MACF1: variants seen among roughly 807,000 people sequenced by gnomAD.
The protein encoded by MACF1 is microtubule-actin cross-linking factor 1.
In MACF1, 193 loss-of-function variants were observed where a neutral mutation model predicts 854.8. The observed-to-expected ratio is 0.23, with a 90% CI of 0.20 to 0.25. The LOEUF (loss-of-function observed/expected upper bound fraction) is 0.25. Ranked by LOEUF, MACF1 falls within the 10% of genes least tolerant of loss-of-function variation. The pLI, the probability that MACF1 is intolerant of heterozygous loss-of-function variation, is 1.00. For synonymous variants in MACF1, 3,185 were observed against 3,226.7 expected, an observed-to-expected ratio of 0.99 and a Z score of 0.44; for missense variants, 7,722 against 8,929.1, an observed-to-expected ratio of 0.86 and a Z score of 5.45.
At chr1:39,433,831 G>A (rs1166277697) in intron 68 of MACF1, among the ~76,000 whole-genome samples, 2 of 152,160 alleles carry the variant, frequency 1.3e-5, no homozygotes, top group Non-Finnish European at 2.9e-5. Context: ...TGTAATCCCA[G>A]CACATTGGGA....
At position 39,262,397 on chromosome 1, in the gene MACF1, C is replaced by CAAAAA. The variant is rs56376033; in HGVS notation, c.528+4387_528+4391dup. Among the ~76,000 whole-genome samples the CAAAAA allele has an allele frequency of 6.9e-3, 470 of 68,534 alleles. 5 individuals are homozygous for CAAAAA. Among genetic ancestry groups the CAAAAA allele is most frequent in the Non-Finnish European group, 8.4e-3 (339 of 40,428 alleles). The allele number at this position is 68,534 out of a possible 152,430, so 45.0% of individuals were successfully genotyped here. A position where few individuals can be genotyped will look rare whatever the true frequency, so the allele number is the denominator to read the frequency against. On this transcript the variant is annotated intron_variant, in intron 6 of 100. Transcript: ENST00000564288. ...GCCTGGGCTACACGAGACTCCATCA[C>CAAAAA]AAAAAAAAAAAAAAAAAAAAAAGAA...
intron 58 of MACF1, among the ~76,000 whole-genome samples, chr1:39,403,561 A>G (rs1431119380): frequency 2.6e-5 from 4 of 152,200 alleles, no homozygotes; most frequent in Non-Finnish European, 5.9e-5. Context: ...AAGTACTACT[A>G]TGCCCCTAGT....
intron 2 of MACF1, among the ~76,000 whole-genome samples, chr1:39,137,043 T>G (rs1309281157): frequency 6.6e-6 from 1 of 152,198 alleles, no homozygotes; most frequent in Non-Finnish European, 1.5e-5. Context: ...TTGACTTTTT[T>G]CAAAGTTTGT....
At chr1:39,112,841 G>A (rs1405692787) in intron 2 of MACF1, among the ~76,000 whole-genome samples, 2 of 152,172 alleles carry the variant, frequency 1.3e-5, no homozygotes, top group South Asian at 4.2e-4. Flanking sequence ...TTCTTTAACA[G>A]TCATCCCTAG....
At chr1:39,101,198 A>G (rs1294081844) in intron 2 of MACF1, among the ~76,000 whole-genome samples, 1 of 151,488 alleles carries the variant, frequency 6.6e-6, no homozygotes, top group Non-Finnish European at 1.5e-5. Context: ...CTCTACTAAA[A>G]ATACAAAAAT....
Position 39,233,787 on chromosome 1 carries a change from T to A in MACF1, c.171+2544T>A, listed in dbSNP as rs1395131682. On this transcript the variant is annotated intron_variant, in intron 2 of 100. Coordinates refer to ENST00000564288, the MANE Select transcript of MACF1 (RefSeq NM_001394062.1). ...TACCTAGCCATAGCTTTTTTTTTTT[T>A]TTTTTTTTTTATTTATTTTTTATTG... 3.4e-5 allele frequency among the ~76,000 whole-genome samples: 3 copies of A among 87,430 alleles called. 1 individual carries two copies. Among genetic ancestry groups the A allele is most frequent in the Admixed American group, 2.6e-4 (2 of 7,664 alleles). 57.4% of individuals were successfully genotyped at this position (87,430 alleles called of 152,430 possible). A position where few individuals can be genotyped will look rare whatever the true frequency, so the allele number is the denominator to read the frequency against.
rs1299444224 is a variant in MACF1, at chr1:39,185,369, T to C, written c.221-45813T>C. 4.6e-5 allele frequency among the ~76,000 whole-genome samples: 7 copies of C among 151,694 alleles called. No homozygotes were observed. In the East Asian group the frequency reaches 1.4e-3, roughly 29 times the overall value. Reference sequence around the variant, plus strand: ...AGCTGGGCATGGTAGCTCACACCTGTAGTTCTAGCTACTCGGGAGGCTAAG... The same window carrying C: ...AGCTGGGCATGGTAGCTCACACCTGCAGTTCTAGCTACTCGGGAGGCTAAG... On this transcript the variant is annotated intron_variant, in intron 2 of 93. Transcript: ENST00000361689.
intron 23 of MACF1, among the ~76,000 whole-genome samples, chr1:39,308,670 C>A (rs1296330190): frequency 1.4e-5 from 2 of 145,058 alleles, no homozygotes; most frequent in Admixed American, 1.4e-4. Context: ...TTTTTTTTTT[C>A]TTGAAATGGA....
chr1:39,257,311 CTTTTT>C (rs60278374), intron 5 of MACF1, among the ~76,000 whole-genome samples: 1 of 150,682 alleles, frequency 6.6e-6, no homozygotes, highest in African/African-American at 2.4e-5. Flanking sequence ...AAGACAGTTT[CTTTTT>C]TTTTGAGACG....
chr1:39,127,398 G>T (rs1642886128), intron 2 of MACF1, among the ~76,000 whole-genome samples: 2 of 152,176 alleles, frequency 1.3e-5, no homozygotes, highest in Admixed American at 1.3e-4. Flanking sequence ...CTTACTATGT[G>T]CCAGGAATGG....
In MACF1 at chr1:39,485,606, C is replaced by T. The variant is rs1199684800; in HGVS notation, c.22480C>T (p.Arg7494Trp). The T allele has an allele frequency of 3.1e-6, 5 of 1,613,992 alleles. No homozygotes were observed. Among genetic ancestry groups the T allele is most frequent in the African/African-American group, 2.7e-5 (2 of 74,906 alleles). Reference sequence around the variant, plus strand: ...TCGAGCCGGGAGTCGAGCCAGCAGCCGGCGAGGAAGTGACGCTTCTGACTT... The same window carrying T: ...TCGAGCCGGGAGTCGAGCCAGCAGCTGGCGAGGAAGTGACGCTTCTGACTT... ...GSRAGSRASS[R>W]RGSDASDFDL... is the part of the protein sequence containing the mutation. Residue 7494 changes from arginine to tryptophan, a missense_variant, in exon 101 of 101, where the codon CGG (arginine) becomes TGG (tryptophan). Arg to Trp is a moderately radical substitution (Grantham distance 101, BLOSUM62 -3). This residue lies in a region of MACF1 where 185 missense variants were observed against 225.7 expected (regional missense o/e 0.82). Transcript: ENST00000564288.
intron 2 of MACF1, among the ~76,000 whole-genome samples, chr1:39,236,628 AAG>A (rs1218821535): frequency 5.3e-5 from 8 of 152,316 alleles, no homozygotes; most frequent in Non-Finnish European, 1.0e-4. Flanking sequence ...ACAAAGAAGA[AAG>A]AGAGAGAAGT....
At chr1:39,302,280 G>A (rs1390120274) in intron 22 of MACF1, among the ~76,000 whole-genome samples, 1 of 152,212 alleles carries the variant, frequency 6.6e-6, no homozygotes, top group Non-Finnish European at 1.5e-5. Flanking sequence ...TTATAGGTGT[G>A]AGCTGCTGTG....
chr1:39,455,135 G>C (rs767930142), intron 89 of MACF1, 38 bp downstream of exon 89: 1 of 1,595,260 alleles, frequency 6.3e-7, no homozygotes, highest in Non-Finnish European at 8.6e-7. Flanking sequence ...GGTGTTTTCC[G>C]TGTTGGGCAT....
chr1:39,393,195 AAATAT>A (rs1163937754), intron 58 of MACF1, among the ~76,000 whole-genome samples: 2,318 of 95,548 alleles, frequency 0.024, 99 homozygotes, highest in African/African-American at 0.097. Flanking sequence ...AAAAAAAAAA[AAATAT>A]ATATATATAT....
Position 39,335,248 on chromosome 1 carries a change from A to C in MACF1, c.8660A>C (p.Tyr2887Ser). 1.2e-6 allele frequency: 2 copies of C among 1,613,988 alleles called. No individual in the cohort carries two copies. The highest frequency in any genetic ancestry group is 1.7e-6 in the Non-Finnish European group (2 of 1,179,854). The change falls in exon 37 of 101, where the codon TAC becomes TCC. Residue 2887 changes from tyrosine (Y) to serine (S), a missense_variant. Tyr to Ser is a moderately radical substitution (Grantham distance 144). This residue lies in a region of MACF1 where 854 missense variants were observed against 852.6 expected (regional missense o/e 1.00). Coordinates refer to ENST00000564288, the MANE Select transcript of MACF1 (RefSeq NM_001394062.1). ...SLGQVSLTHPYSECDFKLKEV... is the reference protein window; with the variant it reads ...SLGQVSLTHPSSECDFKLKEV... ...GGCCAAGTGTCATTGACACACCCTT[A>C]CTCTGAATGTGATTTTAAACTTAAA...
intron 42 of MACF1, 62 bp from the exon 43 acceptor site, chr1:39,350,723 C>T: frequency 1.7e-6 from 2 of 1,187,336 alleles, no homozygotes; most frequent in Non-Finnish European, 2.5e-6. Flanking sequence ...ATCTTTATAC[C>T]ATTAGAGGAC....
At chr1:39,299,255 C>T in intron 21 of MACF1, 1 of 456,194 alleles carries the variant, frequency 2.2e-6, no homozygotes, top group South Asian at 1.5e-5. Flanking sequence ...GGGACAGGCA[C>T]AGGTAGTTTA....
intron 58 of MACF1, among the ~76,000 whole-genome samples, chr1:39,406,300 A>G (rs1313445657): frequency 6.6e-6 from 1 of 152,200 alleles, no homozygotes; most frequent in Non-Finnish European, 1.5e-5. Flanking sequence ...ATTTATTTAT[A>G]TGGATCACTG....
Sources: gnomAD v4.1 joint callset for allele counts (sites outside exome capture counted in the v4.1 genomes callset) on GRCh38, gnomAD v4.1.1 for gene constraint, gnomAD v4.1.1 regional missense constraint, MANE v1.5 for transcripts, NCBI Gene and HGNC (gene_info 2026-07-23, HGNC 2026-07-21) for gene names.